Variants in ZPLD1 observed in about 807,000 individuals in gnomAD.
ZPLD1 encodes zona pellucida-like domain-containing protein 1.
Under a neutral mutation model 47.2 loss-of-function variants are expected in ZPLD1, and 34 were observed. The ratio of observed to expected loss-of-function variants is 0.72; its 90% CI spans 0.55 to 0.96. The LOEUF is 0.96. Ranked by LOEUF, ZPLD1 falls within the 40% of genes least tolerant of loss-of-function variation. The probability of loss-of-function intolerance (pLI) is 0.00; values close to 1 mark genes in which losing one functional copy is unlikely to be tolerated. For missense variants in ZPLD1, 512 were observed against 505.8 expected, an observed-to-expected ratio of 1.01 and a Z score of -0.12; for synonymous variants, 176 against 186.2, an observed-to-expected ratio of 0.95 and a Z score of 0.45.
At position 102,446,988 on chromosome 3, in the gene ZPLD1, A is replaced by C. The variant is rs573245548; in HGVS notation, c.107-5931A>C. On this transcript the variant is annotated intron_variant, in intron 3 of 11. Transcript: ENST00000466937. ...GAAGTGGCATGTAGTTTAGATCTTG[A>C]AAATAAGTAAAACCAATTGCCTCTA... 7.2e-5 allele frequency among the ~76,000 whole-genome samples: 11 copies of C among 152,326 alleles called. No individual in the cohort carries two copies. The East Asian group carries it at 1.9e-3, about 27-fold the overall frequency.
intron 7 of ZPLD1, 152 bp downstream of exon 7, chr3:102,462,530 A>T: frequency 1.9e-6 from 1 of 540,156 alleles, no homozygotes; most frequent in East Asian, 3.2e-5. Flanking sequence ...GAAATAACAG[A>T]TTACAAAGTT....
chr3:102,475,342 C>A (rs1178749500), intron 10 of ZPLD1, among the ~76,000 whole-genome samples: 1 of 151,924 alleles, frequency 6.6e-6, no homozygotes, highest in Non-Finnish European at 1.5e-5. Flanking sequence ...CTTTTGTTAA[C>A]CTTAGGATGC....
At chr3:102,422,341 G>A (rs1353053839) in intron 8 of ZPLD1, among the ~76,000 whole-genome samples, 1 of 152,082 alleles carries the variant, frequency 6.6e-6, no homozygotes, top group East Asian at 1.9e-4. Context: ...CATGACTTGT[G>A]GGGAACTATT....
chr3:102,428,166 T>G (rs1220632089), intron 8 of ZPLD1, among the ~76,000 whole-genome samples: 2 of 152,194 alleles, frequency 1.3e-5, no homozygotes, highest in Admixed American at 6.5e-5. Context: ...ATGACTTTAT[T>G]TATTACCCTG....
At chr3:102,388,429 G>GTCTCTCTCTCTCTC (rs71781267) in intron 6 of ZPLD1, among the ~76,000 whole-genome samples, 6,174 of 135,372 alleles carry the variant, frequency 0.046, 212 homozygotes, top group Non-Finnish European at 0.07. Context: ...CTCTCCTGGA[G>GTCTCTCTCTCTCTC]TCTCTCTCTC....
intron 6 of ZPLD1, among the ~76,000 whole-genome samples, chr3:102,387,306 G>A (rs1358989489): frequency 6.6e-6 from 1 of 152,086 alleles, no homozygotes; most frequent in Non-Finnish European, 1.5e-5. Flanking sequence ...TTTACCTATA[G>A]ATTAGTTTTA....
chr3:102,450,258 A>G (rs1707315733), intron 3 of ZPLD1, among the ~76,000 whole-genome samples: 1 of 152,228 alleles, frequency 6.6e-6, no homozygotes, highest in South Asian at 2.1e-4. Context: ...ACTGAGGAAT[A>G]ATTTACATAT....
chr3:102,453,156 A>G lies in ZPLD1; in HGVS notation c.327+17A>G. The G allele has an allele frequency of 6.2e-7, 1 of 1,607,448 alleles. No homozygotes were observed. Among genetic ancestry groups the G allele is most frequent in the Non-Finnish European group, 8.5e-7 (1 of 1,174,180 alleles). ...AACCTGGTGGTAAGATTAGTGTGAC[A>G]TTGTGTGCTAGGTCTGGGGTCATAA... is the stretch of plus-strand genomic sequence containing the variant. On this transcript the variant is annotated intron_variant, in intron 4 of 11. Coordinates refer to ENST00000466937, the MANE Select transcript of ZPLD1 (RefSeq NM_001329788.2).
At chr3:102,398,669 T>A (rs886709656) in intron 7 of ZPLD1, among the ~76,000 whole-genome samples, 2 of 152,180 alleles carry the variant, frequency 1.3e-5, no homozygotes, top group African/African-American at 4.8e-5. Flanking sequence ...ATCTTCAATG[T>A]GGCCTGTGCT....
chr3:102,452,113 CCGTGTGTG>C (rs1707346510), intron 3 of ZPLD1, among the ~76,000 whole-genome samples: 1 of 94,852 alleles, frequency 1.1e-5, no homozygotes, highest in African/African-American at 4.8e-5. Flanking sequence ...GATATGAAGA[CCGTGTGTG>C]TGTGTGTGTG....
intron 2 of ZPLD1, among the ~76,000 whole-genome samples, chr3:102,437,875 T>C (rs1174398226): frequency 6.6e-6 from 1 of 152,242 alleles, no homozygotes. Context: ...ACACAGAGTA[T>C]TTTCCTGTTC....
chr3:102,406,789 T>C (rs1227147544), intron 7 of ZPLD1, among the ~76,000 whole-genome samples: 1 of 151,972 alleles, frequency 6.6e-6, no homozygotes, highest in African/African-American at 2.4e-5. Flanking sequence ...AATCCACTGC[T>C]GTAATTCAGA....
chr3:102,452,774 G>T, intron 3 of ZPLD1, 145 bp from the exon 4 acceptor site: 1 of 886,476 alleles, frequency 1.1e-6, no homozygotes, highest in Non-Finnish European at 1.7e-6. Context: ...TTACTTAATA[G>T]CTGGCACATT....
At chr3:102,476,392 G>T (rs182688569) in intron 10 of ZPLD1, among the ~76,000 whole-genome samples, 4 of 152,168 alleles carry the variant, frequency 2.6e-5, no homozygotes, top group Admixed American at 2.0e-4. Context: ...ATTGTGTTTG[G>T]CAGGGAAAAG....
chr3:102,388,125 G>C (rs909213956), intron 6 of ZPLD1, among the ~76,000 whole-genome samples: 2 of 152,108 alleles, frequency 1.3e-5, no homozygotes, highest in Non-Finnish European at 1.5e-5. Context: ...CTCCCAAAGT[G>C]CTGGGATTAC....
upstream of ZPLD1, among the ~76,000 whole-genome samples, chr3:102,433,141 A>T (rs1707037220): frequency 6.6e-6 from 1 of 152,230 alleles, no homozygotes; most frequent in Admixed American, 6.5e-5. Flanking sequence ...TACCAGACAC[A>T]TATAAACATT....
Position 102,475,172 on chromosome 3 carries a change from G to A in ZPLD1, c.1043-1840G>A, listed in dbSNP as rs78024083. ...ATGCTTTCATTTTTTCAGAGTCCTG[G>A]AACCTGGATTTTGTCGTTCCAGTCT... On this transcript the variant is annotated intron_variant, in intron 10 of 11. Coordinates refer to ENST00000466937, the MANE Select transcript of ZPLD1 (RefSeq NM_001329788.2). Among the ~76,000 whole-genome samples, 584 of 152,116 alleles carry A rather than the reference G, an allele frequency of 3.8e-3. 2 individuals are homozygous for A. Among genetic ancestry groups the A allele is most frequent in the Middle Eastern group, 0.027 (8 of 294 alleles).
rs776842185 is a variant in ZPLD1 at position 102,470,375 on chromosome 3, GT to G, written c.934-15del. 1.9e-6 allele frequency: 3 copies of G among 1,606,114 alleles called. No individual in the cohort carries two copies. Among genetic ancestry groups the G allele is most frequent in the Admixed American group, 3.3e-5 (2 of 59,790 alleles). ...TCTGCGCCGGTGTGGAATTTCATTT[GT>G]TTTCATTAACACCTCAGATTTGCAG... is the stretch of plus-strand genomic sequence containing the variant. On this transcript the variant is annotated intron_variant, in intron 9 of 11. Coordinates refer to ENST00000466937, the MANE Select transcript of ZPLD1 (RefSeq NM_001329788.2).
At chr3:102,450,488 T>C (rs746406601) in intron 3 of ZPLD1, among the ~76,000 whole-genome samples, 1 of 152,050 alleles carries the variant, frequency 6.6e-6, no homozygotes, top group Non-Finnish European at 1.5e-5. Context: ...CAGATTCAAA[T>C]TTAGGAAGCA....
Sources: allele counts gnomAD v4.1 joint callset (sites outside exome capture counted in the v4.1 genomes callset), GRCh38; gene constraint gnomAD v4.1.1; transcripts MANE v1.5; gene names NCBI Gene and HGNC (gene_info 2026-07-23, HGNC 2026-07-21).